Variants in NRP1 observed in about 807,000 individuals in gnomAD.
NRP1 encodes the protein neuropilin 1.
In NRP1, 35 loss-of-function variants were observed where a neutral mutation model predicts 106.7. That is an observed-to-expected ratio of 0.33 (90% confidence interval 0.25 to 0.43). NRP1 has a LOEUF of 0.43. Among genes scored for constraint, NRP1 ranks in the 20% least tolerant of loss-of-function variants. The pLI, the probability that NRP1 is intolerant of heterozygous loss-of-function variation, is 1.00. For missense variants in NRP1, 1,024 were observed against 1,170.4 expected (o/e 0.87, Z 1.83); for synonymous variants, 437 against 417.9 (o/e 1.05, Z -0.56).
intron 2 of NRP1, among the ~76,000 whole-genome samples, chr10:33,285,023 T>C (rs1844413805): frequency 6.6e-6 from 1 of 152,252 alleles, no homozygotes; most frequent in African/African-American, 2.4e-5. Flanking sequence ...GCAATCTAGT[T>C]CTTTCTCCTA....
At chr10:33,188,910 A>AATAT (rs9299704) in intron 13 of NRP1, among the ~76,000 whole-genome samples, 5,921 of 111,238 alleles carry the variant, frequency 0.053, 246 homozygotes, top group African/African-American at 0.088. Context: ...CCCTGTCTTA[A>AATAT]ATATATATAT....
At chr10:33,221,579 T>G in intron 8 of NRP1, 140 bp downstream of exon 8, 1 of 1,046,640 alleles carries the variant, frequency 9.6e-7, no homozygotes, top group Middle Eastern at 3.1e-4. Flanking sequence ...TTTGTCTAAA[T>G]CCAAAGTAGA....
intron 6 of NRP1, among the ~76,000 whole-genome samples, chr10:33,243,424 G>A (rs1433663112): frequency 6.6e-5 from 10 of 152,136 alleles, no homozygotes; most frequent in Admixed American, 4.6e-4. Context: ...CCAAGCACCT[G>A]TCTGGTCCGA....
chr10:33,263,684 C>T lies in NRP1; in HGVS notation c.620G>A (p.Arg207His), dbSNP rs148308681. 359 of 1,613,906 alleles carry T rather than the reference C, an allele frequency of 2.2e-4. No individual in the cohort carries two copies. The highest frequency in any genetic ancestry group is 2.8e-4 in the Non-Finnish European group (331 of 1,179,902). The change falls in exon 4 of 17, where the codon CGC (arginine) becomes CAC (histidine). Residue 207 changes from arginine to histidine, a missense_variant. This residue lies in a region of NRP1 where 279 missense variants were observed against 327.4 expected (regional missense o/e 0.85). Transcript: ENST00000374867. ...ATCCCAGATTTCTAGCCGGTCGTAG[C>T]GACAGAACATCCCCCCTGGAGGATT... ...DSNPPGGMFC[R>H]YDRLEIWDGF... is the part of the protein sequence containing the mutation.
In NRP1 at chr10:33,254,020, C is replaced by A; in HGVS notation, c.981+8G>T. 1 of 1,600,266 alleles carries A rather than the reference C, an allele frequency of 6.2e-7. No individual in the cohort carries two copies. Among genetic ancestry groups the A allele is most frequent in the Non-Finnish European group, 8.5e-7 (1 of 1,175,788 alleles). On this transcript the variant is annotated splice_region_variant and intron_variant, in intron 6 of 16. Coordinates refer to ENST00000374867, the MANE Select transcript of NRP1 (RefSeq NM_003873.7). ...AATCCTAGATAGGCTTGATCTTATG[C>A]TGCATACCTGTATCCACTCTCGGTA...
chr10:33,226,542 G>T (rs1298009013), intron 6 of NRP1, among the ~76,000 whole-genome samples: 2 of 152,196 alleles, frequency 1.3e-5, no homozygotes, highest in African/African-American at 4.8e-5. Context: ...GTCCCAGCAA[G>T]GGCATTCCAA....
At chr10:33,333,480 G>C (rs934763879) in intron 1 of NRP1, among the ~76,000 whole-genome samples, 2 of 152,100 alleles carry the variant, frequency 1.3e-5, no homozygotes, top group Non-Finnish European at 2.9e-5. Context: ...TGAAATCTAA[G>C]CCAGACAAAA....
chr10:33,256,219 A>G, intron 5 of NRP1, 97 bp downstream of exon 5: 1 of 1,270,040 alleles, frequency 7.9e-7, no homozygotes, highest in Admixed American at 2.0e-5. Context: ...CCCAGTTCAC[A>G]AAACATTTCT....
chr10:33,306,686 C>A (rs1349181403), intron 2 of NRP1, among the ~76,000 whole-genome samples: 4 of 152,108 alleles, frequency 2.6e-5, no homozygotes, highest in African/African-American at 9.7e-5. Context: ...TAAAGGGTCA[C>A]CTAAGGAAAA....
chr10:33,204,422 G>C lies in NRP1; in HGVS notation c.1760-1427C>G, dbSNP rs144673344. ...ACTTTTTTACAAAACACATACACCC[G>C]AATTCTGGCCTGTATTTATTGCTCT... On this transcript the variant is annotated intron_variant, in intron 10 of 16. Coordinates refer to ENST00000374867, the MANE Select transcript of NRP1 (RefSeq NM_003873.7). 4.1e-4 allele frequency among the ~76,000 whole-genome samples: 62 copies of C among 152,268 alleles called. No homozygotes were observed. The East Asian group carries it at 0.012, about 28-fold the overall frequency.
In NRP1 at chr10:33,330,840, A is replaced by C; in HGVS notation, c.116T>G (p.Leu39Arg). Reference sequence around the variant, plus strand: ...AGAATGAGGATAACCAGGAGATGTAAGGTACCCGGGGCTTTCAATTTTTAT... The same window carrying C: ...AGAATGAGGATAACCAGGAGATGTACGGTACCCGGGGCTTTCAATTTTTAT... ...DTIKIESPGY[L>R]TSPGYPHSYH... The change falls in exon 2 of 17, where the codon CTT becomes CGT. Residue 39 changes from leucine (L) to arginine (R), a missense_variant. Around this residue, in one of 5 missense-constraint regions of NRP1, gnomAD observed 279 missense variants for 327.4 expected, o/e 0.85. Coordinates refer to ENST00000374867, the MANE Select transcript of NRP1 (RefSeq NM_003873.7). 3.7e-6 allele frequency: 6 copies of C among 1,612,936 alleles called. No individual in the cohort carries two copies. The highest frequency in any genetic ancestry group is 4.2e-6 in the Non-Finnish European group (5 of 1,179,288).
At chr10:33,251,520 A>G (rs11598565) in intron 6 of NRP1, among the ~76,000 whole-genome samples, 50,891 of 152,116 alleles carry the variant, frequency 0.33, 9,862 homozygotes, top group Non-Finnish European at 0.42. Context: ...GGCATAAGCA[A>G]GAAGAAAACC....
intron 2 of NRP1, among the ~76,000 whole-genome samples, chr10:33,296,269 C>T (rs769262984): frequency 5.3e-4 from 81 of 152,342 alleles, no homozygotes; most frequent in Middle Eastern, 3.4e-3. Context: ...CAGGAACCCA[C>T]GGCCAGACAG....
chr10:33,196,028 C>A (rs1464536759), intron 12 of NRP1, among the ~76,000 whole-genome samples: 1 of 152,094 alleles, frequency 6.6e-6, no homozygotes, highest in Non-Finnish European at 1.5e-5. Context: ...CCTTGAGTGA[C>A]CTTGAGATTG....
chr10:33,202,489 A>C, intron 11 of NRP1: 1 of 998,072 alleles, frequency 1.0e-6, no homozygotes, highest in Non-Finnish European at 1.4e-6. Flanking sequence ...GGATCCACTC[A>C]AAAAAACTTG....
chr10:33,254,982 AG>A (rs1243909086), intron 5 of NRP1, among the ~76,000 whole-genome samples: 1 of 152,158 alleles, frequency 6.6e-6, no homozygotes, highest in Non-Finnish European at 1.5e-5. Flanking sequence ...ATATTCTCTT[AG>A]GCCTAACATC....
At chr10:33,225,928 T>C (rs920974272) in intron 7 of NRP1, among the ~76,000 whole-genome samples, 2 of 152,218 alleles carry the variant, frequency 1.3e-5, no homozygotes, top group African/African-American at 2.4e-5. Flanking sequence ...TTGACTTTTT[T>C]TGGAAACATT....
chr10:33,226,885 G>T (rs1265638310), intron 6 of NRP1, among the ~76,000 whole-genome samples: 1 of 152,138 alleles, frequency 6.6e-6, no homozygotes, highest in African/African-American at 2.4e-5. Flanking sequence ...CTATGTATCT[G>T]ATTGATGTCT....
At chr10:33,301,965 C>T (rs1288775849) in intron 2 of NRP1, among the ~76,000 whole-genome samples, 1 of 151,860 alleles carries the variant, frequency 6.6e-6, no homozygotes, top group Admixed American at 6.6e-5. Context: ...AAGGTCTTTC[C>T]TAGGTTCTAT....
Sources: gnomAD v4.1 joint callset for allele counts (sites outside exome capture counted in the v4.1 genomes callset) on GRCh38, gnomAD v4.1.1 for gene constraint, gnomAD v4.1.1 regional missense constraint, MANE v1.5 for transcripts, NCBI Gene and HGNC (gene_info 2026-07-23, HGNC 2026-07-21) for gene names.